MTUS2: variants seen among roughly 807,000 people sequenced by gnomAD.
MTUS2 encodes the protein microtubule-associated tumor suppressor candidate 2.
In MTUS2, 40 loss-of-function variants were observed where a neutral mutation model predicts 114.1. The observed-to-expected ratio is 0.35, with a 90% CI of 0.27 to 0.46. The LOEUF (loss-of-function observed/expected upper bound fraction) is 0.46. MTUS2 is among the 20% of genes least tolerant of loss of function. The pLI is 1.00. For missense variants in MTUS2, 1,679 were observed against 1,705.4 expected, an observed-to-expected ratio of 0.98 and a Z score of 0.27; for synonymous variants, 688 against 672.0, an observed-to-expected ratio of 1.02 and a Z score of -0.37.
chr13:28,907,492 T>A (rs980701354), intron 2 of MTUS2, among the ~76,000 whole-genome samples: 2 of 151,516 alleles, frequency 1.3e-5, no homozygotes, highest in African/African-American at 4.9e-5. Context: ...ATCAGTGTGC[T>A]GTATTCAGGA....
chr13:29,246,161 A>C (rs983634794), intron 5 of MTUS2, among the ~76,000 whole-genome samples: 6 of 152,230 alleles, frequency 3.9e-5, no homozygotes, highest in Non-Finnish European at 8.8e-5. Flanking sequence ...AGTGGCAAAA[A>C]AAATAGCAAA....
intron 6 of MTUS2, among the ~76,000 whole-genome samples, chr13:29,321,787 A>G (rs1188423122): frequency 6.6e-6 from 1 of 152,230 alleles, no homozygotes; most frequent in Non-Finnish European, 1.5e-5. Flanking sequence ...AGAAGTAACC[A>G]TTATTAAAAG....
chr13:29,255,403 CTATT>C (rs1378354176), intron 5 of MTUS2, among the ~76,000 whole-genome samples: 1 of 152,160 alleles, frequency 6.6e-6, no homozygotes, highest in African/African-American at 2.4e-5. Flanking sequence ...GACATTTTGA[CTATT>C]TACACACAAA....
At chr13:29,061,164 A>AT (rs1431962233) in intron 4 of MTUS2, among the ~76,000 whole-genome samples, 1 of 152,082 alleles carries the variant, frequency 6.6e-6, no homozygotes, top group Non-Finnish European at 1.5e-5. Context: ...GATACTGTAT[A>AT]TTGTTCTATT....
intron 8 of MTUS2, among the ~76,000 whole-genome samples, chr13:29,424,758 A>G (rs572106139): frequency 2.6e-5 from 4 of 152,292 alleles, no homozygotes; most frequent in African/African-American, 9.6e-5. Flanking sequence ...AAAGAAACAA[A>G]GAGGCAAATC....
At chr13:29,401,792 A>G (rs142472954) in intron 8 of MTUS2, among the ~76,000 whole-genome samples, 5 of 152,304 alleles carry the variant, frequency 3.3e-5, no homozygotes, top group Non-Finnish European at 5.9e-5. Flanking sequence ...GCTCCTCGCC[A>G]TTGTTATTTT....
chr13:29,413,509 G>A (rs1875422632), intron 8 of MTUS2, among the ~76,000 whole-genome samples: 1 of 120,122 alleles, frequency 8.3e-6, no homozygotes. Context: ...CCATCAGAGT[G>A]AACAGGCAAC....
chr13:29,145,978 C>T (rs1324084124), intron 5 of MTUS2, among the ~76,000 whole-genome samples: 1 of 152,306 alleles, frequency 6.6e-6, no homozygotes, highest in Non-Finnish European at 1.5e-5. Context: ...ACTCAGCCAA[C>T]ACTCTTACCC....
chr13:29,346,178 G>A (rs1868661212), intron 7 of MTUS2, among the ~76,000 whole-genome samples: 1 of 152,204 alleles, frequency 6.6e-6, no homozygotes, highest in South Asian at 2.1e-4. Context: ...AGCTGCAGTA[G>A]TGTAGGGAGG....
Position 29,001,943 on chromosome 13 carries a change from T to A in MTUS2, c.-242-22514T>A, listed in dbSNP as rs1885403874. Among the ~76,000 whole-genome samples the A allele has an allele frequency of 3.9e-5, 6 of 152,124 alleles. No individual in the cohort carries two copies. The South Asian group carries it at 6.2e-4, about 16-fold the overall frequency. ...TTCAGGTCGCCTCTGTATCTCACAT[T>A]TTGTGAGATACATTTCTCCAGCTTT... On this transcript the variant is annotated intron_variant, in intron 2 of 15. Transcript: ENST00000612955.
Position 29,428,685 on chromosome 13 carries a change from C to T in MTUS2, c.3118-11298C>T, listed in dbSNP as rs112023852. ...CTCTCATTCCTCTGCCTCCTGGATTCCTGAAGTTTAGGAGAAATAAGGTAG... is the reference window on the plus strand; with the variant it reads ...CTCTCATTCCTCTGCCTCCTGGATTTCTGAAGTTTAGGAGAAATAAGGTAG... On this transcript the variant is annotated intron_variant, in intron 8 of 15. Transcript: ENST00000612955. The T allele has an allele frequency of 2.9e-4, 359 of 1,220,156 alleles. 2 individuals carry two copies. The highest frequency in any genetic ancestry group is 9.2e-4 in the South Asian group (61 of 66,390). 75.6% of individuals were successfully genotyped at this position (1,220,156 alleles called of 1,614,324 possible).
chr13:29,473,419 G>A (rs1880459671), intron 9 of MTUS2, among the ~76,000 whole-genome samples: 1 of 152,168 alleles, frequency 6.6e-6, no homozygotes, highest in African/African-American at 2.4e-5. Context: ...CTCGCTGAGT[G>A]TTCTCCTACT....
At chr13:28,856,170 A>G (rs1171052255) in intron 2 of MTUS2, among the ~76,000 whole-genome samples, 1 of 152,232 alleles carries the variant, frequency 6.6e-6, no homozygotes, top group Admixed American at 6.5e-5. Flanking sequence ...AAGTACAAAT[A>G]GAATATAAGG....
rs1873028739 is a variant in MTUS2, at chr13:29,389,501, G to C, written c.3117+30028G>C. Among the ~76,000 whole-genome samples, 2 of 134,362 alleles carry C rather than the reference G, an allele frequency of 1.5e-5. 1 individual carries two copies. The highest frequency in any genetic ancestry group is 5.5e-5 in the African/African-American group (2 of 36,486). The allele number at this position is 134,362 out of a possible 152,430, so 88.1% of individuals were successfully genotyped here. On this transcript the variant is annotated intron_variant, in intron 8 of 15. Coordinates refer to ENST00000612955, the MANE Select transcript of MTUS2 (RefSeq NM_001033602.4). ...TACACGTGTGTGTATGTGTATATAT[G>C]TATACACGTGTGTGTATGTGTATAT... is the stretch of plus-strand genomic sequence containing the variant.
chr13:28,930,933 T>G (rs1881581713), intron 2 of MTUS2, among the ~76,000 whole-genome samples: 1 of 152,162 alleles, frequency 6.6e-6, no homozygotes, highest in Non-Finnish European at 1.5e-5. Flanking sequence ...TAATTGGCCT[T>G]TTATAGCTGT....
intron 5 of MTUS2, among the ~76,000 whole-genome samples, chr13:29,192,940 A>C (rs1894507273): frequency 6.6e-6 from 1 of 152,198 alleles, no homozygotes; most frequent in African/African-American, 2.4e-5. Flanking sequence ...ATATAAGAGA[A>C]TAACAGTTGG....
At chr13:29,396,568 T>A (rs1873933481) in intron 8 of MTUS2, among the ~76,000 whole-genome samples, 1 of 152,220 alleles carries the variant, frequency 6.6e-6, no homozygotes, top group Admixed American at 6.5e-5. Flanking sequence ...TCTGCCTGCG[T>A]GGTACATGAG....
chr13:28,898,165 G>A (rs1879403057), intron 2 of MTUS2, among the ~76,000 whole-genome samples: 1 of 152,062 alleles, frequency 6.6e-6, no homozygotes, highest in Non-Finnish European at 1.5e-5. Context: ...TAAAAATACG[G>A]GGTTTCCTGT....
intron 8 of MTUS2, among the ~76,000 whole-genome samples, chr13:29,383,248 G>GTATATATATATATATATTTATTTATT (rs1361530154): frequency 2.1e-4 from 13 of 63,270 alleles, no homozygotes; most frequent in Admixed American, 1.8e-3. Context: ...GTGTGTGTGT[G>GTATATATATATATATATTTATTTATT]TGTGTATTTA....
Sources: gnomAD v4.1 joint callset for allele counts (sites outside exome capture counted in the v4.1 genomes callset) on GRCh38, gnomAD v4.1.1 for gene constraint, MANE v1.5 for transcripts, NCBI Gene and HGNC (gene_info 2026-07-23, HGNC 2026-07-21) for gene names.